GMDS: variants seen among roughly 807,000 people sequenced by gnomAD.
GMDS encodes GDP-mannose 4,6-dehydratase, also known as GDP-mannose 4,6 dehydratase.
Under a neutral mutation model 49.9 loss-of-function variants are expected in GMDS, and 20 were observed. The observed-to-expected ratio is 0.40, with a 90% CI of 0.28 to 0.58. GMDS has a LOEUF of 0.58. GMDS is among the 20% of genes least tolerant of loss of function. GMDS has a pLI of 0.42. For missense variants in GMDS, 362 were observed against 481.4 expected (o/e 0.75, Z 2.32); for synonymous variants, 177 against 178.6 (o/e 0.99, Z 0.07).
chr6:1,930,522 T>C (rs1244256955), intron 6 of GMDS: 1 of 256,630 alleles, frequency 3.9e-6, no homozygotes, highest in Non-Finnish European at 7.3e-6. Flanking sequence ...ACCCAGGCAT[T>C]AGGCCAAAGA....
At chr6:2,032,722 C>T (rs535148356) in intron 4 of GMDS, among the ~76,000 whole-genome samples, 1 of 152,258 alleles carries the variant, frequency 6.6e-6, no homozygotes, top group East Asian at 1.9e-4. Context: ...AACCAGTAAC[C>T]TAACTGGTAG....
In GMDS at chr6:1,825,796, G is replaced by T. The variant is rs150635446; in HGVS notation, c.772-83210C>A. 7.9e-5 allele frequency among the ~76,000 whole-genome samples: 12 copies of T among 152,286 alleles called. No homozygotes were observed. In the East Asian group the frequency reaches 2.3e-3, roughly 29 times the overall value. On this transcript the variant is annotated intron_variant, in intron 7 of 10. Coordinates refer to ENST00000380815, the MANE Select transcript of GMDS (RefSeq NM_001500.4). ...GGCCAAGGCAGGCAGATCACTTGAG[G>T]CTAGCTAGGAGTTTCAGACCAGCCG...
At chr6:1,703,997 C>T (rs1404237160) in intron 9 of GMDS, among the ~76,000 whole-genome samples, 1 of 152,156 alleles carries the variant, frequency 6.6e-6, no homozygotes, top group Non-Finnish European at 1.5e-5. Flanking sequence ...TCTGTGCACC[C>T]TGACTTTCTA....
intron 9 of GMDS, among the ~76,000 whole-genome samples, chr6:1,697,587 C>G (rs1233416612): frequency 1.3e-5 from 2 of 152,220 alleles, no homozygotes; most frequent in African/African-American, 4.8e-5. Context: ...AGTATGGTCC[C>G]CAAACCAGGC....
intron 1 of GMDS, among the ~76,000 whole-genome samples, chr6:2,211,662 T>A (rs9378326): frequency 3.3e-5 from 5 of 152,020 alleles, no homozygotes; most frequent in East Asian, 1.9e-4. Context: ...CTAGAAAAAA[T>A]TTTTTAACTC....
intron 9 of GMDS, among the ~76,000 whole-genome samples, chr6:1,689,502 C>T (rs1765097224): frequency 6.6e-6 from 1 of 152,208 alleles, no homozygotes; most frequent in South Asian, 2.1e-4. Context: ...TTAGAAATGA[C>T]ACCACCTCTT....
chr6:1,745,284 G>A (rs1354416659), intron 7 of GMDS, among the ~76,000 whole-genome samples: 1 of 152,334 alleles, frequency 6.6e-6, no homozygotes, highest in African/African-American at 2.4e-5. Flanking sequence ...AGACAAGGAC[G>A]TGCTAAAAAT....
chr6:2,141,865 G>GCTCTCTCTCTCTCTCTCTCTCTCT lies in GMDS; in HGVS notation c.103-17158_103-17135dup, dbSNP rs67628075. Among the ~76,000 whole-genome samples, 575 of 145,646 alleles carry GCTCTCTCTCTCTCTCTCTCTCTCT rather than the reference G, an allele frequency of 3.9e-3. 2 individuals are homozygous for GCTCTCTCTCTCTCTCTCTCTCTCT. Among genetic ancestry groups the GCTCTCTCTCTCTCTCTCTCTCTCT allele is most frequent in the Non-Finnish European group, 7.0e-3 (466 of 66,710 alleles). On this transcript the variant is annotated intron_variant, in intron 1 of 10. Transcript: ENST00000380815. ...TCTGGGTTTGGTTTTGGTTGTGCGTGCTCTCTCTCTCTCTCTCTCTCTCTC... is the reference window on the plus strand; with the variant it reads ...TCTGGGTTTGGTTTTGGTTGTGCGTGCTCTCTCTCTCTCTCTCTCTCTCTCTCTCTCTCTCTCTCTCTCTCTCTC...
intron 1 of GMDS, among the ~76,000 whole-genome samples, chr6:2,211,049 T>C (rs1780040086): frequency 6.6e-6 from 1 of 152,224 alleles, no homozygotes; most frequent in African/African-American, 2.4e-5. Context: ...GCAAGTTTCC[T>C]GCAGCCTCCC....
At chr6:1,866,969 C>T (rs145261201) in intron 7 of GMDS, among the ~76,000 whole-genome samples, 110 of 152,268 alleles carry the variant, frequency 7.2e-4, no homozygotes, top group South Asian at 2.3e-3. Context: ...ACTTTTAAAT[C>T]GACAACAATT....
chr6:1,991,454 T>C (rs1765933290), intron 4 of GMDS, among the ~76,000 whole-genome samples: 1 of 152,208 alleles, frequency 6.6e-6, no homozygotes, highest in Non-Finnish European at 1.5e-5. Flanking sequence ...TTCCCTTCTT[T>C]ACCACCAGTA....
At chr6:1,943,908 A>C (rs772663721) in intron 6 of GMDS, among the ~76,000 whole-genome samples, 5 of 152,218 alleles carry the variant, frequency 3.3e-5, no homozygotes, top group Non-Finnish European at 7.3e-5. Flanking sequence ...CAAATTCAAT[A>C]TATTCAGTCT....
At chr6:1,834,876 C>T (rs547657222) in intron 7 of GMDS, among the ~76,000 whole-genome samples, 1 of 152,302 alleles carries the variant, frequency 6.6e-6, no homozygotes, top group Admixed American at 6.5e-5. Context: ...TTATTACCCC[C>T]ATCCACCTTT....
At chr6:2,065,718 A>G (rs1239758392) in intron 4 of GMDS, among the ~76,000 whole-genome samples, 1 of 152,146 alleles carries the variant, frequency 6.6e-6, no homozygotes, top group African/African-American at 2.4e-5. Context: ...GGAAGTTTAG[A>G]GAAAAAAGAA....
At chr6:2,073,456 T>C (rs139773495) in intron 4 of GMDS, among the ~76,000 whole-genome samples, 6 of 152,320 alleles carry the variant, frequency 3.9e-5, no homozygotes, top group Non-Finnish European at 7.3e-5. Context: ...GTTAGGGTGT[T>C]TGGGGTATTC....
At position 1,635,862 on chromosome 6, in the gene GMDS, C is replaced by T. The variant is rs1217669384; in HGVS notation, c.988-11322G>A. Among the ~76,000 whole-genome samples the T allele has an allele frequency of 6.6e-6, 1 of 152,218 alleles. No individual in the cohort carries two copies. Among genetic ancestry groups the T allele is most frequent in the Non-Finnish European group, 1.5e-5 (1 of 68,034 alleles). Reference sequence around the variant, plus strand: ...GGCAAGCAGGGCCCAGCCTCGGCACCTCCAGCACTGCGTCTGGGAGCTGCT... The same window carrying T: ...GGCAAGCAGGGCCCAGCCTCGGCACTTCCAGCACTGCGTCTGGGAGCTGCT... On this transcript the variant is annotated intron_variant, in intron 9 of 10. Coordinates refer to ENST00000380815, the MANE Select transcript of GMDS (RefSeq NM_001500.4). This position sits in a 1 kb window ranked among gnomAD's most constrained non-coding sequence, Gnocchi z 4.7.
chr6:2,015,822 G>C (rs1767855651), intron 4 of GMDS, among the ~76,000 whole-genome samples: 1 of 152,110 alleles, frequency 6.6e-6, no homozygotes, highest in African/African-American at 2.4e-5. Context: ...AAATTTTGCA[G>C]TTCAGCAAAA....
intron 6 of GMDS, among the ~76,000 whole-genome samples, chr6:1,936,879 A>G (rs1762575212): frequency 6.6e-6 from 1 of 151,610 alleles, no homozygotes; most frequent in South Asian, 2.1e-4. Context: ...AGGCACGAAA[A>G]TCATTTGAAC....
chr6:2,117,644 G>A (rs1581673742), intron 2 of GMDS, 88 bp from the exon 3 acceptor site: 2 of 762,222 alleles, frequency 2.6e-6, no homozygotes, highest in East Asian at 2.5e-5. Context: ...TGAAAAAAAT[G>A]ATTTGTAAGC....
Sources: gnomAD v4.1 joint callset for allele counts (sites outside exome capture counted in the v4.1 genomes callset) on GRCh38, gnomAD v4.1.1 for gene constraint, Gnocchi (gnomAD v3.1) non-coding constraint, MANE v1.5 for transcripts, NCBI Gene and HGNC (gene_info 2026-07-23, HGNC 2026-07-21) for gene names.